The following RAB38 variants were observed in gnomAD, a reference collection of about 807,000 sequenced individuals.
RAB38 encodes the protein RAB38, member RAS oncogene family.
In RAB38, 15 loss-of-function variants were observed where a neutral mutation model predicts 18.4. The ratio of observed to expected loss-of-function variants is 0.82; its 90% CI spans 0.55 to 1.26. The LOEUF is 1.26. Ranked by LOEUF, RAB38 falls within the 50% of genes most tolerant of loss-of-function variation. RAB38 has a pLI of 0.00. For synonymous variants in RAB38, 101 were observed against 104.4 expected (o/e 0.97, Z 0.20); for missense variants, 294 against 267.4 (o/e 1.10, Z -0.69).
At chr11:87,849,060 T>A in the RAB38 span, among the ~76,000 whole-genome samples, 1 of 152,108 alleles carries the variant, frequency 6.6e-6, no homozygotes, top group African/African-American at 2.4e-5. Flanking sequence ...TTACTTCAGT[T>A]GAAACAGTAC....
the RAB38 span, among the ~76,000 whole-genome samples, chr11:87,818,096 T>C: frequency 6.6e-6 from 1 of 152,194 alleles, no homozygotes; most frequent in African/African-American, 2.4e-5. Flanking sequence ...CCTGAAGGTC[T>C]TGTTAAAATA....
chr11:88,040,322 A>T, the RAB38 span, among the ~76,000 whole-genome samples: 2 of 152,116 alleles, frequency 1.3e-5, no homozygotes, highest in Non-Finnish European at 2.9e-5. Flanking sequence ...GCCTCTGCAG[A>T]TATCTGTGTC....
At chr11:87,853,695 T>G in the RAB38 span, among the ~76,000 whole-genome samples, 2 of 152,208 alleles carry the variant, frequency 1.3e-5, no homozygotes, top group East Asian at 3.8e-4. Context: ...ATTCTAATCT[T>G]CAGTTCAGAA....
the RAB38 span, among the ~76,000 whole-genome samples, chr11:87,913,437 C>T: frequency 1.3e-5 from 2 of 152,006 alleles, no homozygotes; most frequent in African/African-American, 4.8e-5. Flanking sequence ...GATTAAGTAA[C>T]CCCTGAACAT....
the RAB38 span, among the ~76,000 whole-genome samples, chr11:88,033,025 C>T: frequency 6.6e-6 from 1 of 152,098 alleles, no homozygotes; most frequent in African/African-American, 2.4e-5. Flanking sequence ...GGCACATATA[C>T]ACCATGGAAT....
chr11:88,033,713 C>T, the RAB38 span, among the ~76,000 whole-genome samples: 1 of 141,176 alleles, frequency 7.1e-6, no homozygotes, highest in Non-Finnish European at 1.5e-5. Context: ...CCTCAAGGAT[C>T]TGTTGTGTTG....
chr11:88,066,684 C>A, the RAB38 span, among the ~76,000 whole-genome samples: 7 of 152,122 alleles, frequency 4.6e-5, no homozygotes, highest in Non-Finnish European at 8.8e-5. Flanking sequence ...TTGAATATAT[C>A]ATCTGAACAT....
the RAB38 span, among the ~76,000 whole-genome samples, chr11:87,900,656 AAAGGTAGGAAGGAAGGAAGGAAGG>A: frequency 3.4e-5 from 4 of 118,924 alleles, no homozygotes; most frequent in African/African-American, 1.5e-4. Flanking sequence ...TCACAGAAAG[AAAGGTAGGAAGGAAGGAAGGAAGG>A]AAGGAAGGAA....
chr11:87,817,506 C>T, the RAB38 span: 2 of 152,200 alleles, frequency 1.3e-5, no homozygotes, highest in South Asian at 4.1e-4. Context: ...AATAGTTTAA[C>T]ATACATTCTT....
At chr11:88,032,487 A>G in the RAB38 span, among the ~76,000 whole-genome samples, 6 of 152,368 alleles carry the variant, frequency 3.9e-5, no homozygotes, top group South Asian at 1.2e-3. Flanking sequence ...CTCATCTGAC[A>G]AAGGGCTACT....
chr11:87,939,358 T>C, the RAB38 span, among the ~76,000 whole-genome samples: 3 of 143,720 alleles, frequency 2.1e-5, no homozygotes, highest in Admixed American at 7.2e-5. Context: ...AATTACTTCA[T>C]TGGGGTAACA....
chr11:88,154,986 C>T (rs1256890572), intron 1 of RAB38, among the ~76,000 whole-genome samples: 2 of 152,228 alleles, frequency 1.3e-5, no homozygotes, highest in South Asian at 2.1e-4. Context: ...TGCTCTACAT[C>T]CAGGCAGCTC....
chr11:87,898,797 C>G, the RAB38 span, among the ~76,000 whole-genome samples: 1 of 151,526 alleles, frequency 6.6e-6, no homozygotes, highest in Non-Finnish European at 1.5e-5. Context: ...TACTGTAATC[C>G]ACCACAGCAA....
At chr11:88,170,730 T>A (rs1429871812) in intron 1 of RAB38, among the ~76,000 whole-genome samples, 1 of 152,250 alleles carries the variant, frequency 6.6e-6, no homozygotes, top group Non-Finnish European at 1.5e-5. Flanking sequence ...ATAGGGTAGA[T>A]CTTATTTTAA....
the RAB38 span, among the ~76,000 whole-genome samples, chr11:88,027,935 C>A: frequency 2.0e-4 from 30 of 152,286 alleles, no homozygotes; most frequent in African/African-American, 7.0e-4. Flanking sequence ...TCAAGTGGGT[C>A]CCTGACCCAT....
At chr11:88,147,678 GTCAGGAGATTGAGA>G (rs899488594) in intron 2 of RAB38, among the ~76,000 whole-genome samples, 1 of 151,892 alleles carries the variant, frequency 6.6e-6, no homozygotes, top group African/African-American at 2.4e-5. Context: ...GGATCACGAG[GTCAGGAGATTGAGA>G]CCATCCTGGC....
At chr11:88,167,682 A>G (rs1270900503) in intron 1 of RAB38, 4 of 152,162 alleles carry the variant, frequency 2.6e-5, no homozygotes, top group Admixed American at 6.5e-5. Context: ...AATCCGAATT[A>G]TTTTCAAAGA....
the RAB38 span, among the ~76,000 whole-genome samples, chr11:88,040,893 A>G: frequency 3.3e-5 from 5 of 152,224 alleles, no homozygotes; most frequent in African/African-American, 1.2e-4. Flanking sequence ...TTAAAAAGAT[A>G]CAGCCCCTTA....
chr11:88,099,311 G>A, the RAB38 span, among the ~76,000 whole-genome samples: 11 of 151,594 alleles, frequency 7.3e-5, no homozygotes, highest in Non-Finnish European at 1.6e-4. Flanking sequence ...AATATTTAAT[G>A]ACTTTTATGC....
Sources: gnomAD v4.1 joint callset for allele counts (sites outside exome capture counted in the v4.1 genomes callset) on GRCh38, gnomAD v4.1.1 for gene constraint, MANE v1.5 for transcripts, NCBI Gene and HGNC (gene_info 2026-07-23, HGNC 2026-07-21) for gene names.